Variants in AGPAT3 observed in about 807,000 individuals in gnomAD.
AGPAT3 encodes the protein 1-acylglycerol-3-phosphate O-acyltransferase 3.
Under a neutral mutation model 47.3 loss-of-function variants are expected in AGPAT3, and 5 were observed. The observed-to-expected ratio is 0.11, with a 90% CI of 0.06 to 0.22. The LOEUF is 0.22. Ranked by LOEUF, AGPAT3 falls within the 10% of genes least tolerant of loss-of-function variation. AGPAT3 has a pLI of 1.00. For missense variants in AGPAT3, 315 were observed against 493.0 expected, an observed-to-expected ratio of 0.64 and a Z score of 3.42; for synonymous variants, 212 against 208.3, an observed-to-expected ratio of 1.02 and a Z score of -0.15.
rs867805080 is a variant in AGPAT3, at chr21:43,970,887, T to C, written c.664+81T>C. ...TTTCTTTAAAAAAAAAAAAAATGAG[T>C]GCATTCCATGTGAAACACAGAAGAA... On this transcript the variant is annotated intron_variant, in intron 6 of 9. Transcript: ENST00000291572. The surrounding 1 kb of genome is among the most constrained non-coding windows in gnomAD (Gnocchi z 5.8). The C allele has an allele frequency of 1.2e-5, 15 of 1,245,248 alleles. No homozygotes were observed. Among genetic ancestry groups the C allele is most frequent in the African/African-American group, 3.2e-5 (2 of 62,738 alleles). 77.1% of individuals were successfully genotyped at this position (1,245,248 alleles called of 1,614,324 possible). A position where few individuals can be genotyped will look rare whatever the true frequency, so the allele number is the denominator to read the frequency against.
intron 2 of AGPAT3, among the ~76,000 whole-genome samples, chr21:43,938,677 T>C (rs1284251444): frequency 6.6e-6 from 1 of 152,226 alleles, no homozygotes; most frequent in Non-Finnish European, 1.5e-5. Context: ...GCGCCTCATA[T>C]TGATCTGCCT....
At position 43,981,348 on chromosome 21, in the gene AGPAT3, G is replaced by T. The variant is rs2089843959; in HGVS notation, c.1042+161G>T. 3.8e-6 allele frequency: 3 copies of T among 786,008 alleles called. No individual in the cohort carries two copies. Among genetic ancestry groups the T allele is most frequent in the Admixed American group, 2.4e-5 (1 of 41,516 alleles). The allele number at this position is 786,008 out of a possible 1,614,324, so 48.7% of individuals were successfully genotyped here. A position where few individuals can be genotyped will look rare whatever the true frequency, so the allele number is the denominator to read the frequency against. ...CCCCCCACGGCCTGCGGGCCTCAGA[G>T]CCTGGATTCTTGCACTGAGCTGAGG... On this transcript the variant is annotated intron_variant, in intron 9 of 9. Coordinates refer to ENST00000291572, the MANE Select transcript of AGPAT3 (RefSeq NM_020132.5). This position sits in a 1 kb window ranked among gnomAD's most constrained non-coding sequence, Gnocchi z 5.3.
Position 43,963,108 on chromosome 21 carries a change from G to A in AGPAT3, c.178+3249G>A, listed in dbSNP as rs184960219. ...TGGATTTTGTATCAGATTAGACACAGTTAATGAGAGAATGGGTACACCAGA... is the reference window on the plus strand; with the variant it reads ...TGGATTTTGTATCAGATTAGACACAATTAATGAGAGAATGGGTACACCAGA... On this transcript the variant is annotated intron_variant, in intron 3 of 9. Transcript: ENST00000291572. 3.7e-3 allele frequency among the ~76,000 whole-genome samples: 558 copies of A among 152,312 alleles called. 4 individuals carry two copies. The highest frequency in any genetic ancestry group is 0.012 in the African/African-American group (506 of 41,560).
intron 2 of AGPAT3, among the ~76,000 whole-genome samples, chr21:43,940,977 G>A (rs1449771547): frequency 3.3e-5 from 5 of 152,216 alleles, no homozygotes; most frequent in Admixed American, 3.3e-4. Flanking sequence ...GGCCTCCAGT[G>A]CTCGTTGGTA....
rs73373111 is a variant in AGPAT3, at chr21:43,964,651, G to A, written c.179-3295G>A. Among the ~76,000 whole-genome samples the A allele has an allele frequency of 4.4e-3, 672 of 152,234 alleles. 8 individuals carry two copies. Among genetic ancestry groups the A allele is most frequent in the African/African-American group, 0.015 (630 of 41,528 alleles). On this transcript the variant is annotated intron_variant, in intron 3 of 9. Transcript: ENST00000291572. ...AAAGCATTAAAATAAGAAATATTGA[G>A]GTATACATTAAGATCAATATAAAAT...
At chr21:43,909,725 A>C (rs2086589014) in intron 2 of AGPAT3, among the ~76,000 whole-genome samples, 1 of 152,210 alleles carries the variant, frequency 6.6e-6, no homozygotes, top group South Asian at 2.1e-4. Context: ...CCCTCGTTGC[A>C]GGAGAGCCTG....
At chr21:43,962,085 CT>C (rs1200499474) in intron 3 of AGPAT3, among the ~76,000 whole-genome samples, 1 of 151,396 alleles carries the variant, frequency 6.6e-6, no homozygotes, top group Non-Finnish European at 1.5e-5. Context: ...ACTGCAAGCT[CT>C]GCCTCCTGGG....
At chr21:43,869,433 C>T (rs2085576529) in intron 1 of AGPAT3, among the ~76,000 whole-genome samples, 1 of 152,204 alleles carries the variant, frequency 6.6e-6, no homozygotes, top group Non-Finnish European at 1.5e-5. Flanking sequence ...ATATGGTGTA[C>T]TAGCATTGAT....
Position 43,961,781 on chromosome 21 carries a change from C to T in AGPAT3, c.178+1922C>T, listed in dbSNP as rs558418464. 4.5e-4 allele frequency among the ~76,000 whole-genome samples: 68 copies of T among 152,272 alleles called. 1 individual carries two copies. Among genetic ancestry groups the T allele is most frequent in the Admixed American group, 3.4e-3 (52 of 15,292 alleles). ...TTTGTCTCATGTAGGAAATGGTGAGCGCATAGACACTTTGTCTCATATGGG... is the reference window on the plus strand; with the variant it reads ...TTTGTCTCATGTAGGAAATGGTGAGTGCATAGACACTTTGTCTCATATGGG... On this transcript the variant is annotated intron_variant, in intron 3 of 9. Transcript: ENST00000291572.
At chr21:43,947,861 C>T (rs908657394) in intron 2 of AGPAT3, among the ~76,000 whole-genome samples, 1 of 152,180 alleles carries the variant, frequency 6.6e-6, no homozygotes, top group Admixed American at 6.5e-5. Context: ...GTGAGACCAT[C>T]ACCATGATGG....
Position 43,981,145 on chromosome 21 carries a change from T to TCACC in AGPAT3, c.1001_1004dup (p.Leu336ThrfsTer26). The TCACC allele has an allele frequency of 1.2e-6, 2 of 1,614,204 alleles. No homozygotes were observed. The highest frequency in any genetic ancestry group is 1.7e-6 in the Non-Finnish European group (2 of 1,180,032). ...TGTCTTGGGCGTCTTTGCCAGCGGA[T>TCACC]CACCTCTCCTGATCCTGACTTTCTT... is the stretch of plus-strand genomic sequence containing the variant. On this transcript the variant is annotated frameshift_variant, in exon 9 of 10. Transcript: ENST00000291572. LOFTEE classifies it high-confidence loss of function. This position sits in a 1 kb window ranked among gnomAD's most constrained non-coding sequence, Gnocchi z 5.3.
intron 2 of AGPAT3, among the ~76,000 whole-genome samples, chr21:43,913,362 C>T (rs992993904): frequency 6.6e-6 from 1 of 152,034 alleles, no homozygotes; most frequent in African/African-American, 2.4e-5. Flanking sequence ...CTTTGGGAGG[C>T]CGAGGTGAGC....
chr21:43,877,999 C>T (rs1419846886), intron 1 of AGPAT3, among the ~76,000 whole-genome samples: 21 of 152,196 alleles, frequency 1.4e-4, no homozygotes, highest in Admixed American at 7.8e-4. Flanking sequence ...TGAGACTGCC[C>T]GTGGTCTTGC....
rs372868162 is a variant in AGPAT3, at chr21:43,885,214, G to A, written c.-111-18743G>A. ...AGCATGGAGCTCGCAGACGCTGGGT[G>A]CAGGAGGCCTGGGCCTGGGCCAGAC... On this transcript the variant is annotated intron_variant, in intron 1 of 9. Transcript: ENST00000291572. 1.5e-3 allele frequency among the ~76,000 whole-genome samples: 235 copies of A among 152,358 alleles called. 10 individuals are homozygous for A. In the South Asian group the frequency reaches 0.046, roughly 30 times the overall value.
intron 2 of AGPAT3, 46 bp downstream of exon 2, chr21:43,904,065 A>AGAGT (rs904204309): frequency 6.8e-6 from 1 of 147,668 alleles, no homozygotes; most frequent in Non-Finnish European, 1.5e-5. Flanking sequence ...CGTGTGTGAG[A>AGAGT]GTGTGTGTGT....
intron 8 of AGPAT3, among the ~76,000 whole-genome samples, chr21:43,979,015 C>T (rs898709591): frequency 3.9e-5 from 6 of 152,006 alleles, no homozygotes; most frequent in African/African-American, 9.7e-5. Context: ...TAAGGGAAAT[C>T]GGTCGGGTGC....
At chr21:43,906,831 G>A (rs971156769) in intron 2 of AGPAT3, among the ~76,000 whole-genome samples, 32 of 152,300 alleles carry the variant, frequency 2.1e-4, no homozygotes, top group African/African-American at 7.7e-4. Context: ...GGAGACACCC[G>A]TGCTCCGCCT....
intron 2 of AGPAT3, among the ~76,000 whole-genome samples, chr21:43,950,003 C>T (rs1054495692): frequency 1.3e-5 from 2 of 152,228 alleles, no homozygotes; most frequent in Non-Finnish European, 2.9e-5. Flanking sequence ...TTCCCCCTCT[C>T]CCACCTGCCT....
chr21:43,888,527 G>A (rs975315202), intron 1 of AGPAT3, among the ~76,000 whole-genome samples: 5 of 152,148 alleles, frequency 3.3e-5, no homozygotes, highest in South Asian at 2.1e-4. Flanking sequence ...CATGTACCCC[G>A]GAACTTAAAA....
Sources: gnomAD v4.1 joint callset for allele counts (sites outside exome capture counted in the v4.1 genomes callset) on GRCh38, gnomAD v4.1.1 for gene constraint, Gnocchi (gnomAD v3.1) non-coding constraint, MANE v1.5 for transcripts, NCBI Gene and HGNC (gene_info 2026-07-23, HGNC 2026-07-21) for gene names.